The following SPTA1 variants were observed in gnomAD, a reference collection of about 807,000 sequenced individuals.
The protein encoded by SPTA1 is spectrin alpha chain, erythrocytic 1.
A neutral mutation model predicts 324.7 loss-of-function variants in SPTA1; 177 were observed. That is an observed-to-expected ratio of 0.55 (90% CI 0.48 to 0.62). The LOEUF (loss-of-function observed/expected upper bound fraction) is 0.62, where lower values mean the gene tolerates loss of function less well. SPTA1 is among the 20% of genes least tolerant of loss of function. SPTA1 has a pLI of 0.00. For synonymous variants in SPTA1, 1,195 were observed against 1,041.3 expected, an observed-to-expected ratio of 1.15 and a Z score of -2.84; for missense variants, 3,162 against 2,883.6, an observed-to-expected ratio of 1.10 and a Z score of -2.21.
intron 51 of SPTA1, 188 bp from the exon 52 acceptor site, chr1:158,611,577 TC>T: frequency 1.8e-6 from 1 of 565,820 alleles, no homozygotes; most frequent in Non-Finnish European, 3.0e-6. Flanking sequence ...ACTTTTAATC[TC>T]AGCCCTTTCT....
chr1:158,666,818 T>A (rs1237026387), intron 15 of SPTA1, among the ~76,000 whole-genome samples: 3 of 152,194 alleles, frequency 2.0e-5, no homozygotes, highest in Non-Finnish European at 4.4e-5. Flanking sequence ...AGACCTCTTT[T>A]TCAAGGAAAT....
chr1:158,655,306 A>G (rs1652755638), intron 20 of SPTA1, among the ~76,000 whole-genome samples: 1 of 152,198 alleles, frequency 6.6e-6, no homozygotes, highest in Non-Finnish European at 1.5e-5. Flanking sequence ...CATTAAAAGT[A>G]TCTTGTGTCT....
In SPTA1 at chr1:158,647,732, C is replaced by T. The variant is rs377108312; in HGVS notation, c.3715-12G>A. 1.2e-6 allele frequency: 2 copies of T among 1,613,706 alleles called. No homozygotes were observed. The highest frequency in any genetic ancestry group is 2.2e-5 in the East Asian group (1 of 44,838). ...CCCAGTATGGTCACCTGGGGAGGTA[C>T]AATAGCTCTGATAATCAGCCTAGAG... On this transcript the variant is annotated splice_polypyrimidine_tract_variant and intron_variant, in intron 26 of 51. Coordinates refer to ENST00000643759, the MANE Select transcript of SPTA1 (RefSeq NM_003126.4).
chr1:158,612,102 C>A, intron 51 of SPTA1: 1 of 154,278 alleles, frequency 6.5e-6, no homozygotes, highest in Non-Finnish European at 1.4e-5. Flanking sequence ...CTGGTTTCTG[C>A]TTAATTGTTT....
chr1:158,637,279 A>G (rs141047329), intron 36 of SPTA1, among the ~76,000 whole-genome samples: 1 of 152,294 alleles, frequency 6.6e-6, no homozygotes, highest in Non-Finnish European at 1.5e-5. Context: ...AGATTATTCT[A>G]TCTTATGGTC....
Position 158,662,637 on chromosome 1 carries a change from G to T in SPTA1, c.2464+65C>A. On this transcript the variant is annotated intron_variant, in intron 17 of 51. Transcript: ENST00000643759. ...TCTAGACTCCAACTACTGTACCCCA[G>T]ATCTCTCTCAATATATAGACCTTGG... 3.1e-6 allele frequency: 5 copies of T among 1,609,712 alleles called. No individual in the cohort carries two copies. The African/African-American group carries it at 5.3e-5, about 17-fold the overall frequency.
In SPTA1 at chr1:158,623,072, C is replaced by T. The variant is rs753589441; in HGVS notation, c.6031G>A (p.Ala2011Thr). The part of the protein sequence containing the change: ...NQSKAIEERY[A>T]ALLKRWEQLL... ...TGTTCCCAGCGCTTCAGCAGAGCGG[C>T]ATAACGCTCTTCAATGGCTTTAGAC... Residue 2011 changes from alanine (A) to threonine (T), a missense_variant, in exon 43 of 52, where the codon GCC (alanine) becomes ACC (threonine). Transcript: ENST00000643759. 1.2e-6 allele frequency: 2 copies of T among 1,614,164 alleles called. No homozygotes were observed. The highest frequency in any genetic ancestry group is 1.7e-6 in the Non-Finnish European group (2 of 1,180,014).
chr1:158,644,377 T>C lies in SPTA1; in HGVS notation c.4214A>G (p.Asp1405Gly). The C allele has an allele frequency of 6.2e-7, 1 of 1,613,806 alleles. No homozygotes were observed. ...TGCCACCATCCAGCTCTCAACTTGATCACAGTTCCCCTGGAACATCTATGA... is the reference window on the plus strand; with the variant it reads ...TGCCACCATCCAGCTCTCAACTTGACCACAGTTCCCCTGGAACATCTATGA... ...LELQMFQGNC[D>G]QVESWMVARE... Residue 1405 changes from aspartate (D) to glycine (G), a missense_variant, in exon 30 of 52, where the codon GAT becomes GGT. Transcript: ENST00000643759.
Position 158,681,592 on chromosome 1 carries a change from G to T in SPTA1, c.466C>A (p.Arg156=). Residue 156 remains arginine (R), a synonymous_variant, in exon 4 of 52, where the codon CGG becomes AGG. Coordinates refer to ENST00000643759, the MANE Select transcript of SPTA1 (RefSeq NM_003126.4). ...LTLEKGDQLL[R]ALKFQQYVQE... is the part of the protein sequence containing the mutation. ...ACATACTGCTGGAACTTCAGGGCCC[G>T]CAGCAACTGGTCACCCTTCTCCAGG... 2 of 1,613,736 alleles carry T rather than the reference G, an allele frequency of 1.2e-6. No homozygotes were observed. Among genetic ancestry groups the T allele is most frequent in the Non-Finnish European group, 8.5e-7 (1 of 1,179,802 alleles).
chr1:158,653,158 T>C, intron 22 of SPTA1, 116 bp downstream of exon 22: 1 of 1,500,706 alleles, frequency 6.7e-7, no homozygotes, highest in Non-Finnish European at 9.2e-7. Context: ...ATTCTTAAAA[T>C]CTTCAGATTT....
rs1002577446 is a variant in SPTA1 at position 158,622,782 on chromosome 1, A to T, written c.6120+201T>A. 70 of 554,244 alleles carry T rather than the reference A, an allele frequency of 1.3e-4. 2 individuals are homozygous for T. Among genetic ancestry groups the T allele is most frequent in the Middle Eastern group, 1.0e-3 (2 of 1,962 alleles). 34.3% of individuals were successfully genotyped at this position (554,244 alleles called of 1,614,324 possible). ...GGCTTCCATCTCAAGTTAGTTATGCAACTAATCAATCAATCTAAAAAAAAT... is the reference window on the plus strand; with the variant it reads ...GGCTTCCATCTCAAGTTAGTTATGCTACTAATCAATCAATCTAAAAAAAAT... On this transcript the variant is annotated intron_variant, in intron 43 of 51. Transcript: ENST00000643759.
rs1255117382 is a variant in SPTA1, at chr1:158,661,376, T to G, written c.2498A>C (p.Asn833Thr). Reference sequence around the variant, plus strand: ...GTTCTCCAGGATGACTCTATGCCTATTCAGAAGCTTTTTGGAAGCAATCAG... The same window carrying G: ...GTTCTCCAGGATGACTCTATGCCTAGTCAGAAGCTTTTTGGAAGCAATCAG... Reference protein sequence around the residue: ...KDLIASKKLLNRHRVILENIA... With the variant: ...KDLIASKKLLTRHRVILENIA... The change falls in exon 18 of 52, where the codon AAT becomes ACT. Residue 833 changes from asparagine to threonine, a missense_variant. Coordinates refer to ENST00000643759, the MANE Select transcript of SPTA1 (RefSeq NM_003126.4). 1 of 1,613,936 alleles carries G rather than the reference T, an allele frequency of 6.2e-7. No homozygotes were observed. Among genetic ancestry groups the G allele is most frequent in the East Asian group, 2.2e-5 (1 of 44,852 alleles).
chr1:158,611,670 G>A (rs532391032), intron 51 of SPTA1: 26 of 327,486 alleles, frequency 7.9e-5, no homozygotes, highest in African/African-American at 3.5e-4. Flanking sequence ...GGAATTATAT[G>A]CCTAACAACA....
intron 47 of SPTA1, among the ~76,000 whole-genome samples, chr1:158,617,228 G>C (rs941203688): frequency 4.6e-5 from 7 of 152,068 alleles, no homozygotes; most frequent in Non-Finnish European, 1.5e-5. Flanking sequence ...GCCACAAAAC[G>C]TGAAACCACC....
At chr1:158,657,424 A>T in intron 19 of SPTA1, 53 bp downstream of exon 19, 1 of 1,540,442 alleles carries the variant, frequency 6.5e-7, no homozygotes, top group Non-Finnish European at 9.0e-7. Context: ...CTAAATTGAT[A>T]ATTTGGTTGC....
In SPTA1 at chr1:158,644,232, T is replaced by C. The variant is rs184937128; in HGVS notation, c.4338+21A>G. On this transcript the variant is annotated intron_variant, in intron 30 of 51. Transcript: ENST00000643759. ...TATTACTACGGATTATTATTTTAAT[T>C]CCTTTACTAGTCATTATTACCTGGG... 4.8e-5 allele frequency: 78 copies of C among 1,613,394 alleles called. No homozygotes were observed. In the East Asian group the frequency reaches 1.7e-3, roughly 34 times the overall value.
At chr1:158,652,841 A>G (rs151328615) in intron 22 of SPTA1, among the ~76,000 whole-genome samples, 188 bp from the exon 23 acceptor site, 1 of 152,226 alleles carries the variant, frequency 6.6e-6, no homozygotes, top group Non-Finnish European at 1.5e-5. Context: ...AAAGATAAAC[A>G]CATAGGATTG....
chr1:158,637,910 A>C (rs986514023), intron 36 of SPTA1, 123 bp downstream of exon 36: 1 of 1,164,776 alleles, frequency 8.6e-7, no homozygotes, highest in Admixed American at 1.7e-5. Flanking sequence ...GCTGAGGCAA[A>C]CATGAAGTAG....
At chr1:158,616,119 C>A (rs911002714) in intron 47 of SPTA1, among the ~76,000 whole-genome samples, 4 of 151,916 alleles carry the variant, frequency 2.6e-5, no homozygotes, top group Non-Finnish European at 2.9e-5. Context: ...TTTTAAGTTT[C>A]ATTTATATAT....
Sources: allele counts gnomAD v4.1 joint callset (sites outside exome capture counted in the v4.1 genomes callset), GRCh38; gene constraint gnomAD v4.1.1; transcripts MANE v1.5; gene names NCBI Gene and HGNC (gene_info 2026-07-23, HGNC 2026-07-21).